Variants in TGFBRAP1 observed in about 807,000 individuals in gnomAD.
The protein encoded by TGFBRAP1 is transforming growth factor beta receptor associated protein 1, also known as transforming growth factor-beta receptor-associated protein 1.
Under a neutral mutation model 83.2 loss-of-function variants are expected in TGFBRAP1, and 20 were observed. The ratio of observed to expected loss-of-function variants is 0.24; its 90% confidence interval spans 0.17 to 0.35. The LOEUF (loss-of-function observed/expected upper bound fraction) is 0.35. TGFBRAP1 is among the 10% of genes least tolerant of loss of function. The probability of loss-of-function intolerance (pLI) is 1.00; values close to 1 mark genes in which losing one functional copy is unlikely to be tolerated. For missense variants in TGFBRAP1, 950 were observed against 1,099.4 expected, an observed-to-expected ratio of 0.86 and a Z score of 1.92; for synonymous variants, 415 against 459.8, an observed-to-expected ratio of 0.90 and a Z score of 1.25.
At chr2:105,251,627 C>A in the TGFBRAP1 span, among the ~76,000 whole-genome samples, 1 of 152,162 alleles carries the variant, frequency 6.6e-6, no homozygotes, top group African/African-American at 2.4e-5. Context: ...CCGGCCGCCA[C>A]CCCGTCTGGG....
At position 105,307,619 on chromosome 2, in the gene TGFBRAP1, C is replaced by A. The variant is rs1409715150; in HGVS notation, c.683G>T (p.Gly228Val). ...CACAAATGCATCCTCCTCACCCAGC[C>A]CTCCGGGGCCCGCCAGCAGGAACTC... ...RQEFLLAGPG[G>V]LGMFATVAGI... The change falls in exon 2 of 12, where the codon GGG (glycine) becomes GTG (valine). Residue 228 changes from glycine (G) to valine (V), a missense_variant. Gly to Val is a moderately radical substitution (Grantham distance 109, BLOSUM62 -3). Transcript: ENST00000393359. 6.2e-7 allele frequency: 1 copy of A among 1,608,274 alleles called. No homozygotes were observed. The highest frequency in any genetic ancestry group is 1.3e-5 in the African/African-American group (1 of 74,928).
intron 2 of TGFBRAP1, 117 bp from the exon 3 acceptor site, chr2:105,298,822 T>C (rs1678182216): frequency 2.1e-6 from 2 of 930,628 alleles, no homozygotes; most frequent in East Asian, 2.8e-5. Context: ...TGTACAGTCT[T>C]ATATTTCAAG....
Position 105,269,276 on chromosome 2 carries a change from T to C in TGFBRAP1, c.2402A>G (p.Asp801Gly). 1 of 1,598,590 alleles carries C rather than the reference T, an allele frequency of 6.3e-7. No individual in the cohort carries two copies. The highest frequency in any genetic ancestry group is 8.6e-7 in the Non-Finnish European group (1 of 1,168,078). The change falls in exon 11 of 12, where the codon GAT (aspartate) becomes GGT (glycine). Residue 801 changes from aspartate (D) to glycine (G), a missense_variant. Coordinates refer to ENST00000393359, the MANE Select transcript of TGFBRAP1 (RefSeq NM_004257.6). This position sits in a 1 kb window ranked among gnomAD's most constrained non-coding sequence, Gnocchi z 4.1. ...ARSENLIYTY[D>G]KMKLKGSSIQ... ...CTCGTGGGGGCCAGCACTTACCTTATCGTAGGTGTAGATTAAGTTTTCGGA... is the reference window on the plus strand; with the variant it reads ...CTCGTGGGGGCCAGCACTTACCTTACCGTAGGTGTAGATTAAGTTTTCGGA...
chr2:105,309,605 G>C (rs1319450298), intron 1 of TGFBRAP1, among the ~76,000 whole-genome samples: 1 of 152,126 alleles, frequency 6.6e-6, no homozygotes, highest in Admixed American at 6.5e-5. Flanking sequence ...ATCCATGGGG[G>C]CAATGACAGC....
At position 105,298,701 on chromosome 2, in the gene TGFBRAP1, C is replaced by A; in HGVS notation, c.693G>T (p.Met231Ile). Residue 231 changes from methionine (M) to isoleucine (I), a missense_variant, in exon 3 of 12, where the codon ATG (methionine) becomes ATT (isoleucine). Met to Ile is a conservative substitution (Grantham distance 10, BLOSUM62 1). Transcript: ENST00000393359. Reference sequence around the variant, plus strand: ...GGGATATCCCTGCGACTGTGGCAAACATGCCTAGAAGTAAGAAGAAAGAGT... The same window carrying A: ...GGGATATCCCTGCGACTGTGGCAAAAATGCCTAGAAGTAAGAAGAAAGAGT... ...FLLAGPGGLG[M>I]FATVAGISQR... 3.2e-6 allele frequency: 5 copies of A among 1,571,078 alleles called. No individual in the cohort carries two copies. The highest frequency in any genetic ancestry group is 4.3e-6 in the Non-Finnish European group (5 of 1,153,480).
At chr2:105,284,099 C>G (rs1315534446) in intron 5 of TGFBRAP1, among the ~76,000 whole-genome samples, 1 of 152,130 alleles carries the variant, frequency 6.6e-6, no homozygotes, top group East Asian at 1.9e-4. Context: ...TGCTCCCACT[C>G]TAAGACATAG....
At position 105,329,624 on chromosome 2, in the gene TGFBRAP1, C is replaced by T. The variant is rs1679315681; in HGVS notation, c.-18+1G>A. The T allele has an allele frequency of 6.8e-6, 1 of 147,240 alleles. No individual in the cohort carries two copies. 9.1% of individuals were successfully genotyped at this position (147,240 alleles called of 1,614,324 possible). A position where few individuals can be genotyped will look rare whatever the true frequency, so the allele number is the denominator to read the frequency against. On this transcript the variant is annotated splice_donor_variant, in intron 1 of 11. Coordinates refer to ENST00000393359, the MANE Select transcript of TGFBRAP1 (RefSeq NM_004257.6). LOFTEE classifies it low-confidence loss of function (5UTR_SPLICE). Reference sequence around the variant, plus strand: ...CGCGCCCCGCCGCCCTCCTCACTCACCGGCGCCGGCGCCCGCCGTCCCGCG... The same window carrying T: ...CGCGCCCCGCCGCCCTCCTCACTCATCGGCGCCGGCGCCCGCCGTCCCGCG...
chr2:105,310,529 T>C (rs903610913), intron 1 of TGFBRAP1, among the ~76,000 whole-genome samples: 12 of 151,818 alleles, frequency 7.9e-5, no homozygotes, highest in South Asian at 2.1e-4. Flanking sequence ...CTGGGGGAAG[T>C]GTAGAGGGAG....
rs1677081748 is a variant in TGFBRAP1, at chr2:105,269,660, T to C, written c.2018A>G (p.His673Arg). 1.9e-6 allele frequency: 3 copies of C among 1,582,354 alleles called. No individual in the cohort carries two copies. In the South Asian group the frequency reaches 3.4e-5, roughly 18 times the overall value. Residue 673 changes from histidine to arginine, a missense_variant, in exon 11 of 12, where the codon CAC becomes CGC. His to Arg is a conservative substitution (Grantham distance 29). Coordinates refer to ENST00000393359, the MANE Select transcript of TGFBRAP1 (RefSeq NM_004257.6). This position sits in a 1 kb window ranked among gnomAD's most constrained non-coding sequence, Gnocchi z 4.1. ...AGLPMESAILHGKLGEHEKAL... is the reference protein window; with the variant it reads ...AGLPMESAILRGKLGEHEKAL... ...CTTCTCATGCTCGCCCAGCTTCCCG[T>C]GCAGGATGGCGCTCTCCATGGGCAG...
chr2:105,300,390 A>G (rs953093080), intron 2 of TGFBRAP1, among the ~76,000 whole-genome samples: 3 of 151,478 alleles, frequency 2.0e-5, no homozygotes, highest in African/African-American at 7.3e-5. Flanking sequence ...ATTATTTCCC[A>G]TCAATCCTAA....
chr2:105,253,057 G>C, the TGFBRAP1 span, among the ~76,000 whole-genome samples: 4 of 151,724 alleles, frequency 2.6e-5, no homozygotes, highest in East Asian at 5.9e-4. Flanking sequence ...CCCAGCCAAG[G>C]TGATACTAAC....
At chr2:105,296,005 T>G (rs1411839207) in intron 4 of TGFBRAP1, among the ~76,000 whole-genome samples, 1 of 152,118 alleles carries the variant, frequency 6.6e-6, no homozygotes, top group Admixed American at 6.5e-5. Context: ...TAACCTGACC[T>G]CACTCTTTTG....
intron 8 of TGFBRAP1, among the ~76,000 whole-genome samples, chr2:105,274,741 C>A (rs762962529): frequency 6.6e-5 from 10 of 152,198 alleles, no homozygotes; most frequent in Non-Finnish European, 1.3e-4. Flanking sequence ...CTCTGATTTT[C>A]CAGGGAAGCC....
At chr2:105,314,249 C>CTTTTTT (rs1198445714) in intron 1 of TGFBRAP1, among the ~76,000 whole-genome samples, 6 of 118,644 alleles carry the variant, frequency 5.1e-5, no homozygotes, top group Non-Finnish European at 5.0e-5. Flanking sequence ...AGTACTTTCT[C>CTTTTTT]TTTTTTTTTT....
chr2:105,295,998 C>T lies in TGFBRAP1; in HGVS notation c.1038+358G>A, dbSNP rs960797582. ...AATTCTAAATTCAGAGACAAATTAA[C>T]CTGACCTCACTCTTTTGCTTTATAA... On this transcript the variant is annotated intron_variant, in intron 4 of 11. Coordinates refer to ENST00000393359, the MANE Select transcript of TGFBRAP1 (RefSeq NM_004257.6). Among the ~76,000 whole-genome samples the T allele has an allele frequency of 1.1e-3, 160 of 152,150 alleles. 1 individual carries two copies. Among genetic ancestry groups the T allele is most frequent in the African/African-American group, 3.8e-3 (157 of 41,508 alleles).
chr2:105,297,459 C>T (rs767366426), intron 3 of TGFBRAP1, among the ~76,000 whole-genome samples: 12 of 152,226 alleles, frequency 7.9e-5, no homozygotes, highest in African/African-American at 1.4e-4. Context: ...CCAGCGCATG[C>T]GCCAGAGCCC....
chr2:105,281,537 T>A (rs1225494854), intron 5 of TGFBRAP1, among the ~76,000 whole-genome samples: 1 of 152,230 alleles, frequency 6.6e-6, no homozygotes, highest in Non-Finnish European at 1.5e-5. Flanking sequence ...CCTCCTCTAC[T>A]GGCTTCCACC....
intron 1 of TGFBRAP1, among the ~76,000 whole-genome samples, chr2:105,312,553 C>T (rs533715436): frequency 1.3e-5 from 2 of 152,212 alleles, no homozygotes; most frequent in East Asian, 1.9e-4. Flanking sequence ...AGAGTCTCCC[C>T]GTCCTATTAA....
intron 9 of TGFBRAP1, 97 bp downstream of exon 9, chr2:105,273,447 G>T: frequency 1.3e-6 from 2 of 1,508,926 alleles, no homozygotes. Context: ...GATCACCCAG[G>T]GAACAGACAT....
Sources: allele counts gnomAD v4.1 joint callset (sites outside exome capture counted in the v4.1 genomes callset), GRCh38; gene constraint gnomAD v4.1.1; non-coding constraint Gnocchi (gnomAD v3.1); transcripts MANE v1.5; gene names NCBI Gene and HGNC (gene_info 2026-07-23, HGNC 2026-07-21).